Variants in VGLL4 observed in about 807,000 individuals in gnomAD.
The protein encoded by VGLL4 is vestigial like family member 4.
VGLL4 carries 7 observed loss-of-function variants against 21.0 expected under a neutral mutation model. That is an observed-to-expected ratio of 0.33 (90% CI 0.19 to 0.63). VGLL4 has a LOEUF of 0.63. Among genes scored for constraint, VGLL4 ranks in the 20% least tolerant of loss-of-function variants. The pLI, the probability that VGLL4 is intolerant of heterozygous loss-of-function variation, is 0.78. For missense variants in VGLL4, 394 were observed against 425.7 expected (o/e 0.93, Z 0.66); for synonymous variants, 222 against 173.2 (o/e 1.28, Z -2.21).
At chr3:11,585,358 A>C (rs1260747519) in intron 2 of VGLL4, among the ~76,000 whole-genome samples, 3 of 151,624 alleles carry the variant, frequency 2.0e-5, no homozygotes, top group African/African-American at 7.3e-5. Flanking sequence ...GCTTGAACCT[A>C]GGAGGCAGAG....
chr3:11,602,917 T>C (rs2074842355), intron 1 of VGLL4, among the ~76,000 whole-genome samples: 2 of 152,204 alleles, frequency 1.3e-5, no homozygotes, highest in South Asian at 4.1e-4. Context: ...CTAAGTCACA[T>C]GGGGGGAGCA....
rs886382387 is a variant in VGLL4 at position 11,695,103 on chromosome 3, T to C, written c.64+7868A>G. Among the ~76,000 whole-genome samples, 6 of 149,004 alleles carry C rather than the reference T, an allele frequency of 4.0e-5. No individual in the cohort carries two copies. In the South Asian group the frequency reaches 1.3e-3, roughly 32 times the overall value. On this transcript the variant is annotated intron_variant, in intron 2 of 5. Transcript: ENST00000273038. ...TCTCACTCTGTTGCCCAGGCTGGAG[T>C]GCAGTGGTGCAATCTCGGCTCACTG...
At chr3:11,659,654 A>C (rs1433518805) in intron 2 of VGLL4, among the ~76,000 whole-genome samples, 2 of 5,092 alleles carry the variant, frequency 3.9e-4, no homozygotes, top group Non-Finnish European at 7.2e-4. Context: ...TTTTGAAGGG[A>C]CTTGGGGATT....
intron 2 of VGLL4, among the ~76,000 whole-genome samples, chr3:11,567,913 T>C (rs1409437207): frequency 6.6e-6 from 1 of 152,190 alleles, no homozygotes; most frequent in Admixed American, 6.6e-5. Flanking sequence ...ATGAAGTGCA[T>C]AGACCTGGGG....
At chr3:11,642,733 G>A (rs1240177013) in intron 1 of VGLL4, among the ~76,000 whole-genome samples, 1 of 152,206 alleles carries the variant, frequency 6.6e-6, no homozygotes, top group African/African-American at 2.4e-5. Context: ...GGCAGTAGGA[G>A]GTAATAAATA....
chr3:11,705,150 C>T (rs2076740506), intron 1 of VGLL4, among the ~76,000 whole-genome samples: 1 of 152,244 alleles, frequency 6.6e-6, no homozygotes, highest in Admixed American at 6.5e-5. Context: ...CTGAAAACTC[C>T]ATCTAAGCAG....
chr3:11,617,720 T>C (rs1350815352), intron 1 of VGLL4, among the ~76,000 whole-genome samples: 1 of 152,196 alleles, frequency 6.6e-6, no homozygotes, highest in East Asian at 1.9e-4. Context: ...ATTGAGAAAC[T>C]ATGAGATGAA....
chr3:11,663,050 A>G (rs1368440815), intron 2 of VGLL4, among the ~76,000 whole-genome samples: 1 of 152,230 alleles, frequency 6.6e-6, no homozygotes, highest in East Asian at 1.9e-4. Context: ...GGGGAAGAGT[A>G]AAAGTTGGGA....
At chr3:11,664,370 A>G (rs887505852) in intron 2 of VGLL4, among the ~76,000 whole-genome samples, 1 of 152,180 alleles carries the variant, frequency 6.6e-6, no homozygotes, top group Non-Finnish European at 1.5e-5. Context: ...AGAGCACTCT[A>G]TGGGGAGTCC....
At chr3:11,603,412 T>C (rs978995920) in intron 1 of VGLL4, among the ~76,000 whole-genome samples, 1 of 152,202 alleles carries the variant, frequency 6.6e-6, no homozygotes, top group Non-Finnish European at 1.5e-5. Flanking sequence ...CAGTATGATC[T>C]TGGTTGGCCT....
At chr3:11,641,942 C>T (rs2075695896) in intron 1 of VGLL4, among the ~76,000 whole-genome samples, 1 of 151,682 alleles carries the variant, frequency 6.6e-6, no homozygotes, top group South Asian at 2.1e-4. Flanking sequence ...TTTAAAATAT[C>T]GTATTACTTG....
Position 11,627,643 on chromosome 3 carries a change from C to T in VGLL4, c.82+15794G>A, listed in dbSNP as rs17034896. On this transcript the variant is annotated intron_variant, in intron 1 of 4. Coordinates refer to ENST00000430365, the MANE Select transcript of VGLL4 (RefSeq NM_001128219.3). ...ATCAATGTTCTGAGAATAAGATCAT[C>T]GCAGTATTACGTTAAATGTGTAATT... Among the ~76,000 whole-genome samples, 253 of 150,572 alleles carry T rather than the reference C, an allele frequency of 1.7e-3. 7 individuals carry two copies. The East Asian group carries it at 0.042, about 25-fold the overall frequency.
intron 2 of VGLL4, chr3:11,702,921 A>C: frequency 6.5e-7 from 1 of 1,542,900 alleles, no homozygotes; most frequent in Non-Finnish European, 8.8e-7. Flanking sequence ...AGCAGAAGAC[A>C]AGGGATCATT....
intron 2 of VGLL4, among the ~76,000 whole-genome samples, chr3:11,681,065 C>T (rs1184538753): frequency 1.3e-5 from 2 of 151,942 alleles, no homozygotes; most frequent in Non-Finnish European, 2.9e-5. Context: ...ATTGTTCTTT[C>T]TAAATACATT....
At chr3:11,577,517 T>C (rs1233038332) in intron 2 of VGLL4, among the ~76,000 whole-genome samples, 2 of 152,224 alleles carry the variant, frequency 1.3e-5, no homozygotes, top group Admixed American at 6.5e-5. Flanking sequence ...CGCTGGAACG[T>C]GGGAGGCAGA....
chr3:11,622,096 T>A (rs2075275257), intron 1 of VGLL4, among the ~76,000 whole-genome samples: 1 of 152,204 alleles, frequency 6.6e-6, no homozygotes, highest in Non-Finnish European at 1.5e-5. Flanking sequence ...TGAGTTGTCT[T>A]TTCCTTCAAA....
At chr3:11,640,147 G>A (rs1308342857) in intron 1 of VGLL4, among the ~76,000 whole-genome samples, 2 of 152,176 alleles carry the variant, frequency 1.3e-5, no homozygotes, top group Non-Finnish European at 1.5e-5. Flanking sequence ...TTATACAGGA[G>A]CAACTACAGC....
chr3:11,588,435 G>A (rs2125238728), intron 2 of VGLL4, among the ~76,000 whole-genome samples: 1 of 152,350 alleles, frequency 6.6e-6, no homozygotes, highest in South Asian at 2.1e-4. Context: ...CAGTTGGGCT[G>A]CAGCCCAGGG....
At chr3:11,711,371 C>T (rs575888494) in intron 1 of VGLL4, among the ~76,000 whole-genome samples, 1 of 151,916 alleles carries the variant, frequency 6.6e-6, no homozygotes, top group Non-Finnish European at 1.5e-5. Context: ...AACCCCATCC[C>T]GGCTAACATG....
Sources: allele counts gnomAD v4.1 joint callset (sites outside exome capture counted in the v4.1 genomes callset), GRCh38; gene constraint gnomAD v4.1.1; transcripts MANE v1.5; gene names NCBI Gene and HGNC (gene_info 2026-07-23, HGNC 2026-07-21).